HS6ST3: variants seen among roughly 807,000 people sequenced by gnomAD.
HS6ST3 encodes heparan-sulfate 6-O-sulfotransferase 3.
A neutral mutation model predicts 36.7 loss-of-function variants in HS6ST3; 12 were observed. The ratio of observed to expected loss-of-function variants is 0.33; its 90% CI spans 0.21 to 0.53. The LOEUF is 0.53. Among genes scored for constraint, HS6ST3 ranks in the 20% least tolerant of loss-of-function variants. The probability of loss-of-function intolerance (pLI) is 0.95; values close to 1 mark genes in which losing one functional copy is unlikely to be tolerated. For synonymous variants in HS6ST3, 240 were observed against 257.5 expected (o/e 0.93, Z 0.65); for missense variants, 584 against 640.9 (o/e 0.91, Z 0.96).
chr13:96,768,925 AC>A (rs1209310191), intron 1 of HS6ST3, among the ~76,000 whole-genome samples: 1 of 151,982 alleles, frequency 6.6e-6, no homozygotes, highest in East Asian at 1.9e-4. Flanking sequence ...CCTGGGCTAG[AC>A]CCCAGAATGT....
intron 1 of HS6ST3, among the ~76,000 whole-genome samples, chr13:96,824,764 A>G (rs1178999117): frequency 2.0e-5 from 3 of 152,214 alleles, no homozygotes; most frequent in Admixed American, 6.5e-5. Context: ...TCGCCTGTCC[A>G]TGCTCCATGG....
At chr13:96,577,841 A>G (rs1391008280) in intron 1 of HS6ST3, among the ~76,000 whole-genome samples, 1 of 152,226 alleles carries the variant, frequency 6.6e-6, no homozygotes, top group Non-Finnish European at 1.5e-5. Flanking sequence ...TCAGGAAACA[A>G]CAGATGCTGG....
intron 1 of HS6ST3, among the ~76,000 whole-genome samples, chr13:96,173,182 A>C (rs1406891621): frequency 6.6e-6 from 1 of 152,148 alleles, no homozygotes; most frequent in Non-Finnish European, 1.5e-5. Context: ...AGAGAATGAT[A>C]AATATGTCAT....
intron 1 of HS6ST3, among the ~76,000 whole-genome samples, chr13:96,290,845 C>T (rs2139398712): frequency 6.6e-6 from 1 of 152,286 alleles, no homozygotes; most frequent in South Asian, 2.1e-4. Context: ...CGTCTGCTAC[C>T]ACAACCACCA....
intron 1 of HS6ST3, among the ~76,000 whole-genome samples, chr13:96,730,334 TA>T (rs1770124067): frequency 6.6e-6 from 1 of 152,148 alleles, no homozygotes; most frequent in Non-Finnish European, 1.5e-5. Flanking sequence ...CAAATATTTC[TA>T]AATGTCTAGC....
intron 1 of HS6ST3, among the ~76,000 whole-genome samples, chr13:96,557,545 T>C (rs1435127764): frequency 1.3e-5 from 2 of 152,134 alleles, no homozygotes; most frequent in Non-Finnish European, 2.9e-5. Context: ...GCTGGGAAAA[T>C]TTGTGTCTTT....
At chr13:96,668,189 C>T (rs546991284) in intron 1 of HS6ST3, among the ~76,000 whole-genome samples, 30 of 152,086 alleles carry the variant, frequency 2.0e-4, no homozygotes, top group Non-Finnish European at 3.5e-4. Context: ...CACACACACA[C>T]GCACACACAC....
In HS6ST3 at chr13:96,629,893, A is replaced by G. The variant is rs1353585555; in HGVS notation, c.708-202597A>G. ...CTAGAAATATCAGGTAGAGGACTTT[A>G]AACTTTCTCAGTCTAGTTTCTCTAC... On this transcript the variant is annotated intron_variant, in intron 1 of 1. Transcript: ENST00000376705. 2.0e-5 allele frequency among the ~76,000 whole-genome samples: 3 copies of G among 152,086 alleles called. No individual in the cohort carries two copies. In the East Asian group the frequency reaches 5.8e-4, roughly 29 times the overall value.
chr13:96,579,038 G>T (rs1007893835), intron 1 of HS6ST3, among the ~76,000 whole-genome samples: 10 of 152,112 alleles, frequency 6.6e-5, no homozygotes, highest in African/African-American at 2.2e-4. Context: ...TCCACTGTGA[G>T]ATTCTTAAAT....
chr13:96,120,174 G>T (rs1390615937), intron 1 of HS6ST3, among the ~76,000 whole-genome samples: 2 of 152,228 alleles, frequency 1.3e-5, no homozygotes, highest in African/African-American at 2.4e-5. Flanking sequence ...AAATGGCAAA[G>T]ATTCCTGGCA....
intron 1 of HS6ST3, among the ~76,000 whole-genome samples, chr13:96,434,641 C>T (rs942450907): frequency 2.0e-5 from 3 of 152,118 alleles, no homozygotes; most frequent in African/African-American, 4.8e-5. Context: ...CTTGACCTCA[C>T]AAGCTCTGCC....
chr13:96,752,054 A>T (rs180877631), intron 1 of HS6ST3, among the ~76,000 whole-genome samples: 4 of 152,248 alleles, frequency 2.6e-5, no homozygotes, highest in Admixed American at 2.6e-4. Flanking sequence ...TGTAACTACT[A>T]TAACTTTTAA....
At chr13:96,657,772 T>C (rs1470970970) in intron 1 of HS6ST3, among the ~76,000 whole-genome samples, 1 of 152,072 alleles carries the variant, frequency 6.6e-6, no homozygotes, top group Non-Finnish European at 1.5e-5. Context: ...GGAGAGGGGA[T>C]GGAAGATTCT....
At chr13:96,813,614 A>T (rs1442669046) in intron 1 of HS6ST3, among the ~76,000 whole-genome samples, 5 of 151,906 alleles carry the variant, frequency 3.3e-5, no homozygotes, top group Non-Finnish European at 5.9e-5. Context: ...CCCTCAGCTC[A>T]CTCTATGCCC....
chr13:96,689,335 G>A (rs906608580), intron 1 of HS6ST3, among the ~76,000 whole-genome samples: 1 of 151,758 alleles, frequency 6.6e-6, no homozygotes, highest in Non-Finnish European at 1.5e-5. Context: ...AAAATGTTGG[G>A]GACAATAAAA....
At chr13:96,598,379 T>A (rs2056409653) in intron 1 of HS6ST3, among the ~76,000 whole-genome samples, 1 of 152,170 alleles carries the variant, frequency 6.6e-6, no homozygotes, top group African/African-American at 2.4e-5. Context: ...CTTGTAGTGA[T>A]CTTTTACCTT....
chr13:96,590,605 G>C (rs2056378641), intron 1 of HS6ST3, among the ~76,000 whole-genome samples: 2 of 151,662 alleles, frequency 1.3e-5, no homozygotes, highest in African/African-American at 4.8e-5. Context: ...TTATTAGATG[G>C]GTATTCTGCA....
At chr13:96,229,278 C>G (rs1013034362) in intron 1 of HS6ST3, among the ~76,000 whole-genome samples, 1 of 152,126 alleles carries the variant, frequency 6.6e-6, no homozygotes, top group African/African-American at 2.4e-5. Flanking sequence ...TTTGGTCATT[C>G]GGTAATCACT....
chr13:96,124,487 A>C (rs77878939), intron 1 of HS6ST3, among the ~76,000 whole-genome samples: 4,140 of 152,344 alleles, frequency 0.027, 69 homozygotes, highest in Non-Finnish European at 0.034. Flanking sequence ...TGAAGGAAAA[A>C]AATAAGTAGA....
Sources: allele counts gnomAD v4.1 joint callset (sites outside exome capture counted in the v4.1 genomes callset), GRCh38; gene constraint gnomAD v4.1.1; transcripts MANE v1.5; gene names NCBI Gene and HGNC (gene_info 2026-07-23, HGNC 2026-07-21).